Variants in ACTG2 observed in about 807,000 individuals in gnomAD.
The protein encoded by ACTG2 is actin, gamma-enteric smooth muscle.
In ACTG2, 16 loss-of-function variants were observed where a neutral mutation model predicts 37.6. The ratio of observed to expected loss-of-function variants is 0.43; its 90% CI spans 0.29 to 0.65. ACTG2 has a LOEUF of 0.65. Ranked by LOEUF, ACTG2 falls within the 30% of genes least tolerant of loss-of-function variation. The probability of loss-of-function intolerance (pLI) is 0.18; values close to 1 mark genes in which losing one functional copy is unlikely to be tolerated. For synonymous variants in ACTG2, 181 were observed against 179.9 expected (o/e 1.01, Z -0.05); for missense variants, 238 against 490.9 (o/e 0.48, Z 4.87).
intron 8 of ACTG2, among the ~76,000 whole-genome samples, chr2:73,917,088 G>A (rs1453772053): frequency 6.6e-6 from 1 of 152,028 alleles, no homozygotes. Flanking sequence ...AAGGTGGGAG[G>A]ATCACTTGAG....
chr2:73,919,683 G>A lies in ACTG2; in HGVS notation c.*108G>A, dbSNP rs912888798. Reference sequence around the variant, plus strand: ...TCTGTGTGGGGCTCTTTTTTCCTGGGCTATGTCTCATACACAGTGCTAAGG... The same window carrying A: ...TCTGTGTGGGGCTCTTTTTTCCTGGACTATGTCTCATACACAGTGCTAAGG... On this transcript the variant is annotated 3_prime_UTR_variant, in exon 9 of 9. Transcript: ENST00000345517. 1.5e-6 allele frequency: 2 copies of A among 1,305,468 alleles called. No individual in the cohort carries two copies. Among genetic ancestry groups the A allele is most frequent in the Non-Finnish European group, 2.1e-6 (2 of 953,854 alleles). The allele number at this position is 1,305,468 out of a possible 1,614,324, so 80.9% of individuals were successfully genotyped here. A position where few individuals can be genotyped will look rare whatever the true frequency, so the allele number is the denominator to read the frequency against.
At chr2:73,910,496 CTT>C (rs1207318059) in intron 5 of ACTG2, among the ~76,000 whole-genome samples, 16 of 80,600 alleles carry the variant, frequency 2.0e-4, no homozygotes, top group South Asian at 4.4e-4. Context: ...CCTCCCATGA[CTT>C]TTTTTTTTTT....
At chr2:73,907,395 A>G (rs2104813765) in intron 3 of ACTG2, among the ~76,000 whole-genome samples, 1 of 152,302 alleles carries the variant, frequency 6.6e-6, no homozygotes. Context: ...CACTTTGCCC[A>G]ATCCCTCTGA....
intron 1 of ACTG2, among the ~76,000 whole-genome samples, chr2:73,896,278 C>A (rs1289963090): frequency 6.7e-6 from 1 of 148,604 alleles, no homozygotes; most frequent in African/African-American, 2.5e-5. Context: ...CTCAGGAGTT[C>A]AAGCCTGCAG....
intron 3 of ACTG2, among the ~76,000 whole-genome samples, chr2:73,907,817 A>T (rs1680045616): frequency 1.3e-5 from 2 of 152,158 alleles, no homozygotes; most frequent in African/African-American, 4.8e-5. Context: ...GAGACCAGGG[A>T]TACTGGTCGG....
intron 1 of ACTG2, among the ~76,000 whole-genome samples, chr2:73,898,259 T>C (rs1051988270): frequency 4.7e-5 from 7 of 147,714 alleles, no homozygotes; most frequent in Non-Finnish European, 9.0e-5. Flanking sequence ...GGCCTGCCTT[T>C]CCCAGCCTCT....
At chr2:73,898,001 T>C (rs1416987309) in intron 1 of ACTG2, among the ~76,000 whole-genome samples, 2 of 152,252 alleles carry the variant, frequency 1.3e-5, no homozygotes, top group African/African-American at 2.4e-5. Flanking sequence ...TAGCACCGCC[T>C]GTGTGTTAAA....
intron 1 of ACTG2, among the ~76,000 whole-genome samples, chr2:73,898,791 C>CTTTTTTT (rs1183989476): frequency 1.1e-5 from 1 of 92,912 alleles, no homozygotes; most frequent in Admixed American, 1.0e-4. Flanking sequence ...TTTTTCTTTT[C>CTTTTTTT]TTTTTTTTTT....
At chr2:73,917,899 A>T (rs1680302529) in intron 8 of ACTG2, among the ~76,000 whole-genome samples, 2 of 152,288 alleles carry the variant, frequency 1.3e-5, no homozygotes, top group Admixed American at 1.3e-4. Flanking sequence ...GTGTGTCAGT[A>T]TACCACGCCT....
chr2:73,915,552 A>G (rs1680248555), intron 7 of ACTG2, among the ~76,000 whole-genome samples: 1 of 150,272 alleles, frequency 6.7e-6, no homozygotes, highest in African/African-American at 2.4e-5. Context: ...AGAGGTAAGT[A>G]GACCAGGCAG....
chr2:73,914,826 G>A lies in ACTG2; in HGVS notation c.760G>A (p.Glu254Lys). The A allele has an allele frequency of 6.2e-7, 1 of 1,606,316 alleles. No individual in the cohort carries two copies. Among genetic ancestry groups the A allele is most frequent in the Non-Finnish European group, 8.5e-7 (1 of 1,174,672 alleles). ...TGGGCAGGTTATCACCATTGGCAAT[G>A]AGCGCTTCCGCTGCCCTGAGACCCT... ...PDGQVITIGN[E>K]RFRCPETLFQ... is the part of the protein sequence containing the mutation. Residue 254 changes from glutamate (E) to lysine (K), a missense_variant, in exon 7 of 9, where the codon GAG (glutamate) becomes AAG (lysine). Physicochemically the swap from Glu to Lys is moderately conservative, Grantham distance 56 (BLOSUM62 1). Coordinates refer to ENST00000345517, the MANE Select transcript of ACTG2 (RefSeq NM_001615.4).
chr2:73,901,496 T>TACTA (rs1679872648), intron 2 of ACTG2, 59 bp downstream of exon 2: 3 of 1,496,710 alleles, frequency 2.0e-6, no homozygotes, highest in Non-Finnish European at 2.7e-6. Flanking sequence ...CGCTGCACTG[T>TACTA]GGAGACCCTG....
intron 3 of ACTG2, among the ~76,000 whole-genome samples, chr2:73,906,900 C>T (rs1167198824): frequency 6.6e-6 from 1 of 152,224 alleles, no homozygotes; most frequent in Non-Finnish European, 1.5e-5. Flanking sequence ...GATTCTGGTT[C>T]AGTGGGTCAG....
intron 6 of ACTG2, 64 bp from the exon 7 acceptor site, chr2:73,914,616 C>A: frequency 3.3e-6 from 4 of 1,208,058 alleles, no homozygotes; most frequent in South Asian, 3.9e-5. Flanking sequence ...TCATGGAGAT[C>A]AAAATGGGAC....
rs13427742 is a variant in ACTG2, at chr2:73,909,476, T to C, written c.451+337T>C. Among the ~76,000 whole-genome samples, 844 of 152,298 alleles carry C rather than the reference T, an allele frequency of 5.5e-3. 11 individuals are homozygous for C. Among genetic ancestry groups the C allele is most frequent in the African/African-American group, 0.019 (806 of 41,546 alleles). On this transcript the variant is annotated intron_variant, in intron 5 of 8. Transcript: ENST00000345517. ...GTGGAAATGTAAGTGCAGTTACACA[T>C]TGCTTAATGACAGGGATACGTTCCG...
At chr2:73,903,769 G>T (rs185574435) in intron 3 of ACTG2, among the ~76,000 whole-genome samples, 1 of 151,712 alleles carries the variant, frequency 6.6e-6, no homozygotes. Flanking sequence ...ATGAAACCCC[G>T]TCTCTACTAA....
intron 1 of ACTG2, among the ~76,000 whole-genome samples, chr2:73,893,421 C>T (rs1209366741): frequency 6.6e-6 from 1 of 152,214 alleles, no homozygotes; most frequent in Non-Finnish European, 1.5e-5. Flanking sequence ...ATATACTTTG[C>T]AGAAAAGCAG....
chr2:73,900,892 G>T (rs1679858103), intron 1 of ACTG2, among the ~76,000 whole-genome samples: 1 of 151,952 alleles, frequency 6.6e-6, no homozygotes, highest in African/African-American at 2.4e-5. Context: ...TCCTCCCGTG[G>T]CCTACCCTCT....
intron 5 of ACTG2, among the ~76,000 whole-genome samples, chr2:73,909,876 G>A (rs1007345783): frequency 6.6e-6 from 1 of 152,126 alleles, no homozygotes; most frequent in African/African-American, 2.4e-5. Context: ...GTGTACTACT[G>A]TAGACTATAA....
Sources: allele counts gnomAD v4.1 joint callset (sites outside exome capture counted in the v4.1 genomes callset), GRCh38; gene constraint gnomAD v4.1.1; transcripts MANE v1.5; gene names NCBI Gene and HGNC (gene_info 2026-07-23, HGNC 2026-07-21).